SLC41A3: variants seen among roughly 807,000 people sequenced by gnomAD.
SLC41A3 encodes solute carrier family 41 member 3.
Under a neutral mutation model 45.4 loss-of-function variants are expected in SLC41A3, and 44 were observed. That is an observed-to-expected ratio of 0.97 (90% CI 0.76 to 1.25). The LOEUF (loss-of-function observed/expected upper bound fraction) is 1.25. Among genes scored for constraint, SLC41A3 ranks in the 50% most tolerant of loss-of-function variants. The pLI is 0.00. For synonymous variants in SLC41A3, 256 were observed against 252.4 expected (o/e 1.01, Z -0.13); for missense variants, 550 against 600.6 (o/e 0.92, Z 0.88).
intron 3 of SLC41A3, among the ~76,000 whole-genome samples, chr3:126,048,872 C>G (rs965316039): frequency 1.3e-5 from 2 of 151,994 alleles, no homozygotes; most frequent in African/African-American, 4.8e-5. Flanking sequence ...GACCTGCACA[C>G]TTAAACCCTC....
At chr3:126,038,387 G>T (rs907784541) in intron 3 of SLC41A3, among the ~76,000 whole-genome samples, 1 of 152,246 alleles carries the variant, frequency 6.6e-6, no homozygotes, top group Admixed American at 6.5e-5. Context: ...AGCAGCCACA[G>T]AGGCTGCACC....
chr3:126,021,931 T>C (rs752491392), intron 6 of SLC41A3, among the ~76,000 whole-genome samples: 2 of 152,336 alleles, frequency 1.3e-5, no homozygotes, highest in Admixed American at 6.5e-5. Flanking sequence ...TTATTGTTCA[T>C]TGTATCACAA....
chr3:126,085,785 C>G (rs1389877519), upstream of SLC41A3, among the ~76,000 whole-genome samples: 2 of 149,676 alleles, frequency 1.3e-5, no homozygotes, highest in African/African-American at 5.0e-5. Context: ...CCAGCCAAAA[C>G]GTGCTCCTGG....
intron 1 of SLC41A3, among the ~76,000 whole-genome samples, chr3:126,097,946 CA>C (rs1161434091): frequency 2.6e-5 from 4 of 152,174 alleles, no homozygotes; most frequent in Admixed American, 1.3e-4. Context: ...CCCCCTTACA[CA>C]GAGCACTTGC....
At chr3:126,084,551 C>T (rs1046424267), upstream of SLC41A3, 2 of 152,176 alleles carry the variant, frequency 1.3e-5, no homozygotes, top group Admixed American at 1.3e-4. Context: ...CCCACACATG[C>T]CTTTCGTTTT....
intron 3 of SLC41A3, among the ~76,000 whole-genome samples, chr3:126,043,120 TCAAAAA>T (rs1010919621): frequency 3.3e-5 from 5 of 150,870 alleles, no homozygotes; most frequent in African/African-American, 1.2e-4. Context: ...TATTTGAAAG[TCAAAAA>T]CAAAAAGAGA....
rs989245539 is a variant in SLC41A3, at chr3:126,068,241, G to A, written c.-22C>T. ...CCATCTGGGCACAGCTGGGCGCCTG[G>A]CAGCCCTACAGTGGGAGACACAAAG... On this transcript the variant is annotated 5_prime_UTR_variant, in exon 2 of 11. Coordinates refer to ENST00000360370, the MANE Select transcript of SLC41A3 (RefSeq NM_017836.4). 1 of 1,499,304 alleles carries A rather than the reference G, an allele frequency of 6.7e-7. No homozygotes were observed. Among genetic ancestry groups the A allele is most frequent in the Admixed American group, 2.3e-5 (1 of 44,024 alleles). 92.9% of individuals were successfully genotyped at this position (1,499,304 alleles called of 1,614,324 possible). A position where few individuals can be genotyped will look rare whatever the true frequency, so the allele number is the denominator to read the frequency against.
chr3:126,089,413 GTT>G (rs1414908538), intron 1 of SLC41A3, among the ~76,000 whole-genome samples: 1 of 152,210 alleles, frequency 6.6e-6, no homozygotes, highest in African/African-American at 2.4e-5. Flanking sequence ...ATGTAAGGTA[GTT>G]GTAACACCTT....
intron 4 of SLC41A3, among the ~76,000 whole-genome samples, chr3:126,030,638 G>A (rs1282772679): frequency 6.6e-6 from 1 of 152,086 alleles, no homozygotes; most frequent in African/African-American, 2.4e-5. Flanking sequence ...CAGATGTGTG[G>A]GTGAATAGGT....
At chr3:126,021,644 T>A (rs1940893067) in intron 6 of SLC41A3, among the ~76,000 whole-genome samples, 1 of 152,202 alleles carries the variant, frequency 6.6e-6, no homozygotes, top group South Asian at 2.1e-4. Flanking sequence ...GACAGATTTA[T>A]AATTGCCTGA....
chr3:126,013,345 A>C (rs1255035803), intron 8 of SLC41A3, among the ~76,000 whole-genome samples: 1 of 151,862 alleles, frequency 6.6e-6, no homozygotes, highest in Admixed American at 6.6e-5. Context: ...GGATCATTTG[A>C]GGTCTGGAGT....
At chr3:126,032,854 C>T (rs1264114396) in intron 4 of SLC41A3, among the ~76,000 whole-genome samples, 4 of 152,154 alleles carry the variant, frequency 2.6e-5, no homozygotes, top group Admixed American at 6.5e-5. Flanking sequence ...ATCTCAGGGT[C>T]CATATTCTCA....
At chr3:126,043,012 G>GAA (rs35200644) in intron 3 of SLC41A3, among the ~76,000 whole-genome samples, 19 of 138,976 alleles carry the variant, frequency 1.4e-4, no homozygotes, top group Non-Finnish European at 2.5e-4. Flanking sequence ...TCCCAAATTT[G>GAA]AAAAAAAAAA....
chr3:126,017,371 G>A (rs992597835), intron 6 of SLC41A3, among the ~76,000 whole-genome samples: 18 of 152,328 alleles, frequency 1.2e-4, no homozygotes, highest in Admixed American at 5.2e-4. Flanking sequence ...CGCCAGGGCC[G>A]GCTATGGGAT....
intron 6 of SLC41A3, among the ~76,000 whole-genome samples, chr3:126,021,605 C>T (rs193239265): frequency 6.6e-6 from 1 of 152,268 alleles, no homozygotes; most frequent in African/African-American, 2.4e-5. Flanking sequence ...TCTGGGGTTC[C>T]TCCCTTCTCC....
At chr3:126,014,281 AC>A (rs1940040255) in intron 8 of SLC41A3, among the ~76,000 whole-genome samples, 1 of 152,064 alleles carries the variant, frequency 6.6e-6, no homozygotes, top group South Asian at 2.1e-4. Flanking sequence ...GGAAAAAAAA[AC>A]CTCAAATTAA....
chr3:126,096,321 A>G (rs1444862666), intron 1 of SLC41A3, among the ~76,000 whole-genome samples: 1 of 152,212 alleles, frequency 6.6e-6, no homozygotes, highest in Admixed American at 6.5e-5. Context: ...GCTCACCGTG[A>G]CAAAGGTGCC....
intron 1 of SLC41A3, among the ~76,000 whole-genome samples, chr3:126,073,786 C>T (rs907437513): frequency 6.6e-6 from 1 of 151,780 alleles, no homozygotes; most frequent in Non-Finnish European, 1.5e-5. Flanking sequence ...GTCTACCAAG[C>T]ATTTAAAAAA....
intron 3 of SLC41A3, among the ~76,000 whole-genome samples, chr3:126,035,350 C>A (rs1942105697): frequency 6.6e-6 from 1 of 152,022 alleles, no homozygotes; most frequent in Non-Finnish European, 1.5e-5. Context: ...GCTGACCAAG[C>A]TGGTGATGAG....
Sources: allele counts gnomAD v4.1 joint callset (sites outside exome capture counted in the v4.1 genomes callset), GRCh38; gene constraint gnomAD v4.1.1; transcripts MANE v1.5; gene names NCBI Gene and HGNC (gene_info 2026-07-23, HGNC 2026-07-21).